The following UTRN variants were observed in gnomAD, a reference collection of about 807,000 sequenced individuals.
The protein encoded by UTRN is dystrophin-related protein 1.
A neutral mutation model predicts 463.9 loss-of-function variants in UTRN; 283 were observed. The ratio of observed to expected loss-of-function variants is 0.61; its 90% CI spans 0.55 to 0.67. The LOEUF (loss-of-function observed/expected upper bound fraction) is 0.67, where lower values mean the gene tolerates loss of function less well. UTRN is among the 30% of genes least tolerant of loss of function. The pLI, the probability that UTRN is intolerant of heterozygous loss-of-function variation, is 0.00. For missense variants in UTRN, 3,922 were observed against 4,084.3 expected, an observed-to-expected ratio of 0.96 and a Z score of 1.08; for synonymous variants, 1,442 against 1,431.5, an observed-to-expected ratio of 1.01 and a Z score of -0.17.
chr6:144,401,171 A>T (rs558625693), intron 2 of UTRN, among the ~76,000 whole-genome samples: 1 of 151,524 alleles, frequency 6.6e-6, no homozygotes, highest in Admixed American at 6.5e-5. Context: ...ATAATTTAAT[A>T]CTTATTTATG....
chr6:144,648,311 T>G (rs1246999917), intron 51 of UTRN, among the ~76,000 whole-genome samples: 2 of 152,200 alleles, frequency 1.3e-5, no homozygotes, highest in Non-Finnish European at 2.9e-5. Flanking sequence ...TAATATCCAT[T>G]TCTTGTTTGG....
At chr6:144,423,786 T>A (rs1356338976) in intron 5 of UTRN, among the ~76,000 whole-genome samples, 160 bp downstream of exon 5, 1 of 152,230 alleles carries the variant, frequency 6.6e-6, no homozygotes, top group African/African-American at 2.4e-5. Context: ...AACAGTCATG[T>A]GCTTTTTCTG....
intron 52 of UTRN, among the ~76,000 whole-genome samples, chr6:144,692,464 G>A (rs898441177): frequency 2.6e-5 from 4 of 152,132 alleles, no homozygotes; most frequent in African/African-American, 4.8e-5. Context: ...TTGAGGAGTC[G>A]CCACACTGTC....
At chr6:144,719,943 A>C (rs1172007842) in intron 53 of UTRN, among the ~76,000 whole-genome samples, 1 of 152,236 alleles carries the variant, frequency 6.6e-6, no homozygotes, top group Non-Finnish European at 1.5e-5. Context: ...AGGTTAGGAA[A>C]GAGTTGCTAT....
chr6:144,377,300 G>A (rs534945424), intron 2 of UTRN, among the ~76,000 whole-genome samples: 215 of 152,284 alleles, frequency 1.4e-3, no homozygotes, highest in Non-Finnish European at 2.8e-4. Flanking sequence ...GCCTCCCAAA[G>A]TGCTGGGATT....
chr6:144,322,887 G>C (rs1331869204), intron 2 of UTRN, among the ~76,000 whole-genome samples: 1 of 151,274 alleles, frequency 6.6e-6, no homozygotes, highest in Admixed American at 6.6e-5. Flanking sequence ...AGCTTGCAGT[G>C]AGCCGAGATT....
At chr6:144,514,534 C>T in intron 36 of UTRN, 116 bp from the exon 37 acceptor site, 2 of 1,104,538 alleles carry the variant, frequency 1.8e-6, no homozygotes, top group Non-Finnish European at 1.3e-6. Context: ...ATGCTGAAAT[C>T]TCTTACTGGG....
At chr6:144,400,533 A>G (rs902696290) in intron 2 of UTRN, among the ~76,000 whole-genome samples, 6 of 152,168 alleles carry the variant, frequency 3.9e-5, no homozygotes, top group South Asian at 2.1e-4. Flanking sequence ...TTACATTTCA[A>G]TCTCATAATT....
At chr6:144,353,309 T>A in intron 2 of UTRN, among the ~76,000 whole-genome samples, 1 of 152,018 alleles carries the variant, frequency 6.6e-6, no homozygotes, top group Middle Eastern at 3.2e-3. Context: ...AGAGATGGGG[T>A]TTCACCGTGT....
At chr6:144,802,946 T>C in intron 64 of UTRN, 90 bp from the exon 65 acceptor site, 1 of 872,550 alleles carries the variant, frequency 1.1e-6, no homozygotes. Flanking sequence ...ATTTTATTTT[T>C]TGGTAATTCG....
chr6:144,660,830 T>A (rs1386084863), intron 51 of UTRN, among the ~76,000 whole-genome samples: 1 of 152,222 alleles, frequency 6.6e-6, no homozygotes, highest in Non-Finnish European at 1.5e-5. Context: ...CATGGAGTGC[T>A]TGCATGCACT....
At position 144,291,735 on chromosome 6, in the gene UTRN, A is replaced by G. The variant is rs1804269340; in HGVS notation, c.-92-2A>G. ...AGTCAGTACTTTCCCTTTTCCTTTTAGGTATTGATGTCAAGCTGAACCATC... is the reference window on the plus strand; with the variant it reads ...AGTCAGTACTTTCCCTTTTCCTTTTGGGTATTGATGTCAAGCTGAACCATC... On this transcript the variant is annotated splice_acceptor_variant, in intron 1 of 74. Transcript: ENST00000367545. LOFTEE classifies it low-confidence loss of function (5UTR_SPLICE). 2 of 963,116 alleles carry G rather than the reference A, an allele frequency of 2.1e-6. No individual in the cohort carries two copies. The highest frequency in any genetic ancestry group is 3.0e-6 in the Non-Finnish European group (2 of 656,024). The allele number at this position is 963,116 out of a possible 1,614,324, so 59.7% of individuals were successfully genotyped here. A position where few individuals can be genotyped will look rare whatever the true frequency, so the allele number is the denominator to read the frequency against.
chr6:144,828,709 TA>T, intron 68 of UTRN, 80 bp from the exon 69 acceptor site: 1 of 1,371,266 alleles, frequency 7.3e-7, no homozygotes, highest in Non-Finnish European at 1.0e-6. Flanking sequence ...TTTGACAATT[TA>T]AAAATGATTA....
chr6:144,831,576 T>A (rs1210062306), intron 69 of UTRN, among the ~76,000 whole-genome samples: 1 of 152,232 alleles, frequency 6.6e-6, no homozygotes, highest in Non-Finnish European at 1.5e-5. Context: ...ATCACCCATA[T>A]ATCTATTACA....
intron 50 of UTRN, among the ~76,000 whole-genome samples, chr6:144,576,787 C>T (rs1801479273): frequency 6.6e-6 from 1 of 152,086 alleles, no homozygotes; most frequent in African/African-American, 2.4e-5. Context: ...TTTGTATTGA[C>T]CTACAACATA....
chr6:144,474,909 A>C (rs73780588), intron 25 of UTRN, 150 bp downstream of exon 25: 18 of 775,140 alleles, frequency 2.3e-5, no homozygotes, highest in Non-Finnish European at 3.3e-5. Flanking sequence ...CCAAAAAAAA[A>C]GGCATCATTT....
rs748613756 is a variant in UTRN, at chr6:144,730,530, A to T, written c.7939+44A>T. On this transcript the variant is annotated intron_variant, in intron 54 of 74. Transcript: ENST00000367545. ...CTACATCATAAAAACACATGCTAGG[A>T]GAACAAAAAACCCAAAATCAAGTAG... 3.3e-6 allele frequency: 5 copies of T among 1,507,046 alleles called. No individual in the cohort carries two copies. In the Admixed American group the frequency reaches 1.1e-4, roughly 34 times the overall value. The allele number at this position is 1,507,046 out of a possible 1,614,324, so 93.4% of individuals were successfully genotyped here. A position where few individuals can be genotyped will look rare whatever the true frequency, so the allele number is the denominator to read the frequency against.
intron 66 of UTRN, among the ~76,000 whole-genome samples, chr6:144,824,601 TATATATATATATC>T (rs1562954983): frequency 0.05 from 2,979 of 59,130 alleles, 186 homozygotes; most frequent in East Asian, 0.27. Context: ...TATATATATA[TATATATATATATC>T]TTTTTTTTTT....
intron 58 of UTRN, among the ~76,000 whole-genome samples, chr6:144,766,416 A>G (rs1040875310): frequency 3.3e-5 from 5 of 152,170 alleles, no homozygotes; most frequent in African/African-American, 4.8e-5. Context: ...TGTAACTTCT[A>G]TAAGTGTACA....
Sources: allele counts gnomAD v4.1 joint callset (sites outside exome capture counted in the v4.1 genomes callset), GRCh38; gene constraint gnomAD v4.1.1; transcripts MANE v1.5; gene names NCBI Gene and HGNC (gene_info 2026-07-23, HGNC 2026-07-21).